Variants in TWSG1 observed in about 807,000 individuals in gnomAD.
TWSG1 encodes the protein twisted gastrulation BMP signaling modulator 1, also known as twisted gastrulation protein homolog 1.
Under a neutral mutation model 23.0 loss-of-function variants are expected in TWSG1, and 15 were observed. The ratio of observed to expected loss-of-function variants is 0.65; its 90% CI spans 0.44 to 1.00. TWSG1 has a LOEUF of 1.00. Among genes scored for constraint, TWSG1 ranks in the 50% least tolerant of loss-of-function variants. The pLI, the probability that TWSG1 is intolerant of heterozygous loss-of-function variation, is 0.00. For missense variants in TWSG1, 242 were observed against 278.7 expected, an observed-to-expected ratio of 0.87 and a Z score of 0.94; for synonymous variants, 86 against 92.8, an observed-to-expected ratio of 0.93 and a Z score of 0.42.
chr18:9,376,106 A>G (rs376634254), intron 3 of TWSG1, among the ~76,000 whole-genome samples: 6 of 152,108 alleles, frequency 3.9e-5, no homozygotes, highest in African/African-American at 1.4e-4. Flanking sequence ...TATTAGAGAA[A>G]GGGTTTCACC....
intron 2 of TWSG1, among the ~76,000 whole-genome samples, chr18:9,348,492 G>A (rs2120317): frequency 0.67 from 101,257 of 152,040 alleles, 34,195 homozygotes; most frequent in Middle Eastern, 0.75. Context: ...GTTTTCTGGG[G>A]AAAAGGTCCA....
chr18:9,341,995 A>G (rs2050204518), intron 2 of TWSG1, among the ~76,000 whole-genome samples: 1 of 152,112 alleles, frequency 6.6e-6, no homozygotes, highest in Admixed American at 6.6e-5. Context: ...ACTGCCCTTG[A>G]AATTTTCTAC....
chr18:9,347,534 T>C (rs888603567), intron 2 of TWSG1, among the ~76,000 whole-genome samples: 2 of 152,218 alleles, frequency 1.3e-5, no homozygotes, highest in Non-Finnish European at 2.9e-5. Flanking sequence ...TTTTGTAGTT[T>C]TCTGTGTATT....
At chr18:9,399,310 T>C in intron 4 of TWSG1, 36 bp from the exon 5 acceptor site, 3 of 1,500,492 alleles carry the variant, frequency 2.0e-6, no homozygotes, top group African/African-American at 1.4e-5. Context: ...GTTTTTCTTC[T>C]TTCTTGCCCT....
intron 3 of TWSG1, among the ~76,000 whole-genome samples, chr18:9,390,221 C>T (rs1271770527): frequency 6.6e-6 from 1 of 151,806 alleles, no homozygotes; most frequent in Non-Finnish European, 1.5e-5. Context: ...AGTGCAGTGG[C>T]GCGATCTCGG....
chr18:9,379,436 C>T (rs530149632), intron 3 of TWSG1, among the ~76,000 whole-genome samples: 22 of 152,106 alleles, frequency 1.4e-4, no homozygotes, highest in Non-Finnish European at 2.2e-4. Flanking sequence ...AACCAAAGAC[C>T]GTTATGTTCT....
At chr18:9,398,604 C>CAAA (rs1415572463) in intron 4 of TWSG1, among the ~76,000 whole-genome samples, 1 of 151,878 alleles carries the variant, frequency 6.6e-6, no homozygotes, top group Admixed American at 6.6e-5. Context: ...GTTACAGGTA[C>CAAA]CCACCACCAT....
chr18:9,336,402 A>G (rs1275092484), intron 1 of TWSG1, among the ~76,000 whole-genome samples: 1 of 152,110 alleles, frequency 6.6e-6, no homozygotes, highest in Non-Finnish European at 1.5e-5. Context: ...AAAGAAAAAA[A>G]AAAAAAAGAA....
At chr18:9,383,249 C>CAG (rs1462084014) in intron 3 of TWSG1, among the ~76,000 whole-genome samples, 1 of 140,344 alleles carries the variant, frequency 7.1e-6, no homozygotes, top group Admixed American at 7.5e-5. Flanking sequence ...GGCTGAGGTG[C>CAG]AGAGGTGTGA....
intron 2 of TWSG1, among the ~76,000 whole-genome samples, chr18:9,337,877 A>G (rs955154199): frequency 6.6e-6 from 1 of 152,208 alleles, no homozygotes; most frequent in African/African-American, 2.4e-5. Context: ...GTCTCCCACA[A>G]TGTTGCAGGC....
chr18:9,355,252 G>T (rs966903273), intron 2 of TWSG1, among the ~76,000 whole-genome samples: 5 of 152,106 alleles, frequency 3.3e-5, no homozygotes, highest in Non-Finnish European at 4.4e-5. Flanking sequence ...CACCACACCC[G>T]GCCTAAAGTT....
Position 9,374,492 on chromosome 18 carries a change from C to G in TWSG1, c.223+14421C>G, listed in dbSNP as rs75629951. On this transcript the variant is annotated intron_variant, in intron 3 of 4. Coordinates refer to ENST00000262120, the MANE Select transcript of TWSG1 (RefSeq NM_020648.6). ...AAACTCACACAAGAAGAAATTCACA[C>G]GAGACTTCAAACCTATATTTTTTAA... 1.1e-4 allele frequency among the ~76,000 whole-genome samples: 16 copies of G among 152,224 alleles called. No individual in the cohort carries two copies. In the East Asian group the frequency reaches 2.3e-3, roughly 22 times the overall value.
At chr18:9,385,773 G>T (rs1483966553) in intron 3 of TWSG1, among the ~76,000 whole-genome samples, 1 of 149,312 alleles carries the variant, frequency 6.7e-6, no homozygotes, top group African/African-American at 2.4e-5. Context: ...GGACATAAAA[G>T]AAATCTTTTA....
intron 3 of TWSG1, among the ~76,000 whole-genome samples, chr18:9,381,435 T>A (rs2040655652): frequency 6.6e-6 from 1 of 152,246 alleles, no homozygotes; most frequent in Non-Finnish European, 1.5e-5. Flanking sequence ...AATAGCCTTG[T>A]CCAATAATTA....
At chr18:9,382,211 G>T (rs1771674188) in intron 3 of TWSG1, among the ~76,000 whole-genome samples, 1 of 150,222 alleles carries the variant, frequency 6.7e-6, no homozygotes, top group Non-Finnish European at 1.5e-5. Context: ...GAAAAAACAA[G>T]AGGAGGCTGG....
At chr18:9,365,032 G>T (rs2145611852) in intron 3 of TWSG1, among the ~76,000 whole-genome samples, 1 of 152,220 alleles carries the variant, frequency 6.6e-6, no homozygotes, top group Non-Finnish European at 1.5e-5. Flanking sequence ...ATTAAAAGTT[G>T]GATTCTGCCT....
rs138262586 is a variant in TWSG1 at position 9,378,020 on chromosome 18, T to C, written c.223+17949T>C. ...AGGCGTGAGCCTGGCAGTGACTTTT[T>C]AGATACAACACCAAAGGCACAATAC... is the stretch of plus-strand genomic sequence containing the variant. On this transcript the variant is annotated intron_variant, in intron 3 of 4. Coordinates refer to ENST00000262120, the MANE Select transcript of TWSG1 (RefSeq NM_020648.6). 1.1e-3 allele frequency among the ~76,000 whole-genome samples: 166 copies of C among 152,358 alleles called. 1 individual carries two copies. The highest frequency in any genetic ancestry group is 3.7e-3 in the African/African-American group (153 of 41,590).
chr18:9,337,398 C>T (rs763574962), intron 2 of TWSG1, 46 bp downstream of exon 2: 1 of 1,592,506 alleles, frequency 6.3e-7, no homozygotes, highest in Non-Finnish European at 8.6e-7. Context: ...TATTGTAGAG[C>T]AGAAACATTA....
At chr18:9,348,551 A>G (rs2145596935) in intron 2 of TWSG1, among the ~76,000 whole-genome samples, 1 of 152,340 alleles carries the variant, frequency 6.6e-6, no homozygotes, top group African/African-American at 2.4e-5. Context: ...AAAAGGTTAA[A>G]CATTGTTGTG....
Sources: gnomAD v4.1 joint callset for allele counts (sites outside exome capture counted in the v4.1 genomes callset) on GRCh38, gnomAD v4.1.1 for gene constraint, MANE v1.5 for transcripts, NCBI Gene and HGNC (gene_info 2026-07-23, HGNC 2026-07-21) for gene names.